RPH3AL: variants seen among roughly 807,000 people sequenced by gnomAD.
The protein encoded by RPH3AL is rab effector Noc2.
A neutral mutation model predicts 43.1 loss-of-function variants in RPH3AL; 38 were observed. The observed-to-expected ratio is 0.88, with a 90% CI of 0.68 to 1.15. The LOEUF is 1.15. Among genes scored for constraint, RPH3AL ranks in the 50% most tolerant of loss-of-function variants. RPH3AL has a pLI of 0.00. For missense variants in RPH3AL, 462 were observed against 423.2 expected (o/e 1.09, Z -0.81); for synonymous variants, 189 against 176.3 (o/e 1.07, Z -0.57).
In RPH3AL at chr17:217,391, C is replaced by T. The variant is rs562487102; in HGVS notation, c.728-1589G>A. On this transcript the variant is annotated intron_variant, in intron 8 of 9. Transcript: ENST00000331302. ...TGAAATCAGGACCCCCAAGGCATTT[C>T]GTTCCCATCTCGGGCAGTTATTACA... Among the ~76,000 whole-genome samples, 3 of 71,684 alleles carry T rather than the reference C, an allele frequency of 4.2e-5. 1 individual carries two copies. The highest frequency in any genetic ancestry group is 2.8e-4 in the Admixed American group (2 of 7,182). 47.0% of individuals were successfully genotyped at this position (71,684 alleles called of 152,430 possible). A position where few individuals can be genotyped will look rare whatever the true frequency, so the allele number is the denominator to read the frequency against.
intron 5 of RPH3AL, among the ~76,000 whole-genome samples, chr17:309,701 C>G (rs1389416330): frequency 1.4e-5 from 2 of 140,294 alleles, no homozygotes; most frequent in Non-Finnish European, 3.0e-5. Context: ...GCCCCAGGCT[C>G]CTGCCAGCCT....
At position 333,341 on chromosome 17, in the gene RPH3AL, A is replaced by T. The variant is rs2151719725; in HGVS notation, c.-37+418T>A. 8.0e-7 allele frequency: 1 copy of T among 1,250,146 alleles called. No individual in the cohort carries two copies. The highest frequency in any genetic ancestry group is 5.7e-5 in the East Asian group (1 of 17,612). The allele number at this position is 1,250,146 out of a possible 1,614,324, so 77.4% of individuals were successfully genotyped here. A position where few individuals can be genotyped will look rare whatever the true frequency, so the allele number is the denominator to read the frequency against. On this transcript the variant is annotated intron_variant, in intron 2 of 9. Transcript: ENST00000331302. The surrounding 1 kb of genome is among the most constrained non-coding windows in gnomAD (Gnocchi z 4.5). ...TAAAGAGAAAACACCTTAAATTCTC[A>T]CATCAGCCACCCCCATGGCGACTCT... is the stretch of plus-strand genomic sequence containing the variant.
intron 6 of RPH3AL, among the ~76,000 whole-genome samples, chr17:253,248 G>A (rs115315953): frequency 6.6e-6 from 1 of 152,240 alleles, no homozygotes; most frequent in African/African-American, 2.4e-5. Flanking sequence ...CCCACCTCAC[G>A]CCCAGCCAGT....
chr17:243,972 ACCTTCCTCTATTGATTAC>A (rs1276595625), intron 7 of RPH3AL, among the ~76,000 whole-genome samples: 74 of 139,160 alleles, frequency 5.3e-4, no homozygotes, highest in Non-Finnish European at 6.8e-4. Context: ...TCTACTGATT[ACCTTCCTCTATTGATTAC>A]CCTTCCTCTA....
intron 6 of RPH3AL, among the ~76,000 whole-genome samples, chr17:266,014 G>C (rs1234959796): frequency 6.6e-6 from 1 of 152,206 alleles, no homozygotes. Flanking sequence ...GCCACACCAG[G>C]GCAGCTGGGC....
rs1460713466 is a variant in RPH3AL, at chr17:274,892, T to C, written c.438+6876A>G. Among the ~76,000 whole-genome samples the C allele has an allele frequency of 1.3e-5, 2 of 151,860 alleles. No homozygotes were observed. The highest frequency in any genetic ancestry group is 1.9e-4 in the East Asian group (1 of 5,178). Reference sequence around the variant, plus strand: ...ATAAAGACGGGCCTTACTAATAAAATAGAAAACCAAAAGAAGAAAAGGAGC... The same window carrying C: ...ATAAAGACGGGCCTTACTAATAAAACAGAAAACCAAAAGAAGAAAAGGAGC... On this transcript the variant is annotated intron_variant, in intron 6 of 9. Transcript: ENST00000331302. The surrounding 1 kb of genome is among the most constrained non-coding windows in gnomAD (Gnocchi z 4.7).
chr17:336,640 G>C (rs1475936354), intron 1 of RPH3AL, among the ~76,000 whole-genome samples: 1 of 152,182 alleles, frequency 6.6e-6, no homozygotes, highest in Non-Finnish European at 1.5e-5. Context: ...TTACAGCCCA[G>C]GTCAGGCCGT....
At chr17:298,431 T>C (rs2151633465) in intron 5 of RPH3AL, among the ~76,000 whole-genome samples, 1 of 152,278 alleles carries the variant, frequency 6.6e-6, no homozygotes, top group South Asian at 2.1e-4. Context: ...GCACGGTGGC[T>C]CACCCCTGTA....
In RPH3AL at chr17:274,549, C is replaced by T. The variant is rs1040162037; in HGVS notation, c.438+7219G>A. Among the ~76,000 whole-genome samples, 3 of 152,230 alleles carry T rather than the reference C, an allele frequency of 2.0e-5. No individual in the cohort carries two copies. The highest frequency in any genetic ancestry group is 2.9e-5 in the Non-Finnish European group (2 of 68,044). Reference sequence around the variant, plus strand: ...AGGAGTATTTCCTGAAGCAAGGCTGCATCTGGGAGAGCAGGGAGAGCAGGA... The same window carrying T: ...AGGAGTATTTCCTGAAGCAAGGCTGTATCTGGGAGAGCAGGGAGAGCAGGA... On this transcript the variant is annotated intron_variant, in intron 6 of 9. Transcript: ENST00000331302. The surrounding 1 kb of genome is among the most constrained non-coding windows in gnomAD (Gnocchi z 4.7).
intron 2 of RPH3AL, among the ~76,000 whole-genome samples, chr17:330,556 C>G (rs1225332740): frequency 1.3e-5 from 2 of 152,198 alleles, no homozygotes; most frequent in Non-Finnish European, 2.9e-5. Flanking sequence ...GTGTACAAAG[C>G]ATTATTCTTT....
At chr17:218,638 T>A (rs1003642840) in intron 8 of RPH3AL, among the ~76,000 whole-genome samples, 1 of 152,198 alleles carries the variant, frequency 6.6e-6, no homozygotes, top group Admixed American at 6.5e-5. Flanking sequence ...CCTTTGTGTG[T>A]TTGAAGGACA....
At position 219,720 on chromosome 17, in the gene RPH3AL, A is replaced by G. The variant is rs1440904779; in HGVS notation, c.630T>C (p.Ser210=). The G allele has an allele frequency of 3.1e-6, 5 of 1,612,736 alleles. No homozygotes were observed. In the Admixed American group the frequency reaches 6.7e-5, roughly 22 times the overall value. ...WARGRVVSSD[S]DSDSDLSSSS... is the part of the protein sequence containing the mutation. ...AGGAGCTAAGATCCGAGTCACTGTC[A>G]CTGTCACTGGAAACCACTGGAAGAG... The change falls in exon 8 of 10, where the codon AGT becomes AGC. Residue 210 remains serine (S), a synonymous_variant. Coordinates refer to ENST00000331302, the MANE Select transcript of RPH3AL (RefSeq NM_006987.4).
chr17:275,691 C>T (rs543408974), intron 6 of RPH3AL, among the ~76,000 whole-genome samples: 44 of 152,226 alleles, frequency 2.9e-4, no homozygotes, highest in Middle Eastern at 3.4e-3. Flanking sequence ...AGGCTACAGG[C>T]GTGTGCCACT....
chr17:350,644 G>A (rs2045335979), intron 1 of RPH3AL, among the ~76,000 whole-genome samples: 1 of 152,122 alleles, frequency 6.6e-6, no homozygotes, highest in African/African-American at 2.4e-5. Flanking sequence ...ACAGTATCTG[G>A]TACCTAGCAG....
intron 6 of RPH3AL, among the ~76,000 whole-genome samples, chr17:257,545 T>G (rs1384482216): frequency 1.2e-4 from 5 of 42,138 alleles, no homozygotes; most frequent in East Asian, 7.6e-4. Flanking sequence ...CGTCTGTCCT[T>G]TTCCGTCCCT....
chr17:213,602 A>G lies in RPH3AL; in HGVS notation c.*250T>C. On this transcript the variant is annotated 3_prime_UTR_variant, in exon 10 of 10. Coordinates refer to ENST00000331302, the MANE Select transcript of RPH3AL (RefSeq NM_006987.4). ...TCACCAGGTAGATTGGGGGTGTGGG[A>G]GGGGAGGGTAATAAATAAGGTCGGG... The G allele has an allele frequency of 1.7e-6, 1 of 573,056 alleles. No homozygotes were observed. Among genetic ancestry groups the G allele is most frequent in the Non-Finnish European group, 3.1e-6 (1 of 320,368 alleles). The allele number at this position is 573,056 out of a possible 1,614,324, so 35.5% of individuals were successfully genotyped here.
intron 5 of RPH3AL, among the ~76,000 whole-genome samples, chr17:292,567 G>A (rs532592125): frequency 1.2e-4 from 19 of 152,238 alleles, no homozygotes; most frequent in Admixed American, 3.3e-4. Flanking sequence ...CCTGGGATGC[G>A]AACCCTGTTC....
intron 6 of RPH3AL, among the ~76,000 whole-genome samples, chr17:270,878 A>C (rs971875469): frequency 6.6e-6 from 1 of 152,160 alleles, no homozygotes; most frequent in African/African-American, 2.4e-5. Flanking sequence ...GGTAAAGCCT[A>C]GGTTTTCTTC....
chr17:237,741 A>T (rs1181023463), intron 7 of RPH3AL, among the ~76,000 whole-genome samples: 2 of 152,234 alleles, frequency 1.3e-5, no homozygotes, highest in Non-Finnish European at 2.9e-5. Context: ...CGAGGTCCAC[A>T]TGGTAAAACT....
Sources: gnomAD v4.1 joint callset for allele counts (sites outside exome capture counted in the v4.1 genomes callset) on GRCh38, gnomAD v4.1.1 for gene constraint, Gnocchi (gnomAD v3.1) non-coding constraint, MANE v1.5 for transcripts, NCBI Gene and HGNC (gene_info 2026-07-23, HGNC 2026-07-21) for gene names.